The following CNTN5 variants were observed in gnomAD, a reference collection of about 807,000 sequenced individuals.
CNTN5 encodes contactin 5.
CNTN5 carries 77 observed loss-of-function variants against 129.1 expected under a neutral mutation model. The ratio of observed to expected loss-of-function variants is 0.60; its 90% confidence interval spans 0.50 to 0.72. CNTN5 has a LOEUF of 0.72. CNTN5 is among the 30% of genes least tolerant of loss of function. The pLI is 0.00. For missense variants in CNTN5, 1,478 were observed against 1,328.8 expected (o/e 1.11, Z -1.75); for synonymous variants, 509 against 465.6 (o/e 1.09, Z -1.20).
intron 6 of CNTN5, among the ~76,000 whole-genome samples, chr11:99,905,469 T>G (rs1949474713): frequency 6.6e-6 from 1 of 152,192 alleles, no homozygotes; most frequent in African/African-American, 2.4e-5. Flanking sequence ...GCATTATAAT[T>G]GAGGCCTCTG....
intron 2 of CNTN5, among the ~76,000 whole-genome samples, chr11:99,327,428 C>G (rs1865832265): frequency 1.3e-5 from 2 of 152,132 alleles, no homozygotes; most frequent in Admixed American, 1.3e-4. Context: ...GGCTCTTTGT[C>G]AATCTATTAA....
At chr11:99,386,608 C>G (rs1458762145) in intron 2 of CNTN5, among the ~76,000 whole-genome samples, 1 of 152,076 alleles carries the variant, frequency 6.6e-6, no homozygotes, top group East Asian at 1.9e-4. Context: ...GTCTTTATGA[C>G]CTGTATCTTG....
intron 2 of CNTN5, among the ~76,000 whole-genome samples, chr11:99,431,959 A>C (rs1943386758): frequency 6.6e-6 from 1 of 151,984 alleles, no homozygotes; most frequent in African/African-American, 2.4e-5. Flanking sequence ...CACAATACTC[A>C]GTCCACATGT....
intron 1 of CNTN5, among the ~76,000 whole-genome samples, chr11:99,295,958 C>T (rs1480522753): frequency 4.0e-5 from 6 of 150,066 alleles, no homozygotes; most frequent in Admixed American, 6.6e-5. Context: ...TTCTCACCTA[C>T]ATTGGGCCTT....
intron 16 of CNTN5, among the ~76,000 whole-genome samples, chr11:100,238,706 A>C (rs1233304411): frequency 6.6e-6 from 1 of 152,210 alleles, no homozygotes; most frequent in Admixed American, 6.5e-5. Context: ...GATATTCTCA[A>C]ATCTAGGAAG....
intron 16 of CNTN5, among the ~76,000 whole-genome samples, chr11:100,227,886 G>C (rs899671937): frequency 3.3e-5 from 5 of 152,038 alleles, no homozygotes; most frequent in Non-Finnish European, 4.4e-5. Context: ...TCACTGAGGA[G>C]GATATACAAA....
At chr11:99,792,013 C>T (rs560885115) in intron 3 of CNTN5, among the ~76,000 whole-genome samples, 8 of 151,974 alleles carry the variant, frequency 5.3e-5, no homozygotes, top group Admixed American at 2.0e-4. Flanking sequence ...GTCTTTAGGG[C>T]TTTATAGGTA....
At chr11:99,819,795 A>G (rs1946739193) in intron 4 of CNTN5, 30 bp downstream of exon 4, 3 of 287,484 alleles carry the variant, frequency 1.0e-5, no homozygotes, top group Non-Finnish European at 1.4e-5. Flanking sequence ...GGCTCCAGAT[A>G]GAATAAAGGA....
intron 13 of CNTN5, among the ~76,000 whole-genome samples, chr11:100,088,580 A>T (rs999079762): frequency 6.6e-6 from 1 of 152,144 alleles, no homozygotes; most frequent in Non-Finnish European, 1.5e-5. Context: ...ACAGAAATAC[A>T]TAAGATCCTC....
At chr11:99,304,304 T>C (rs563211481) in intron 1 of CNTN5, among the ~76,000 whole-genome samples, 9 of 152,306 alleles carry the variant, frequency 5.9e-5, no homozygotes, top group Admixed American at 2.6e-4. Context: ...ATTACAGAGT[T>C]ACTTCTCATC....
At chr11:99,187,578 T>C (rs532794214) in intron 1 of CNTN5, among the ~76,000 whole-genome samples, 108 of 152,032 alleles carry the variant, frequency 7.1e-4, no homozygotes, top group South Asian at 1.5e-3. Context: ...ATTCTTATGA[T>C]GAATATCTTG....
At chr11:99,124,725 T>A (rs58814920) in intron 1 of CNTN5, among the ~76,000 whole-genome samples, 9,368 of 150,752 alleles carry the variant, frequency 0.062, 316 homozygotes, top group African/African-American at 0.086. Context: ...GCTAGAGTAA[T>A]AAGGGAAAAA....
intron 13 of CNTN5, among the ~76,000 whole-genome samples, chr11:100,187,274 A>G (rs1179137832): frequency 6.6e-6 from 1 of 152,088 alleles, no homozygotes; most frequent in East Asian, 1.9e-4. Context: ...TATCAGTTCC[A>G]GGAGTCATTT....
chr11:99,435,854 AAATT>A (rs1943578547), intron 2 of CNTN5, among the ~76,000 whole-genome samples: 1 of 152,212 alleles, frequency 6.6e-6, no homozygotes, highest in South Asian at 2.1e-4. Flanking sequence ...GTAGGCCATG[AAATT>A]ATATATGAGG....
chr11:99,635,467 A>C (rs1951515681), intron 3 of CNTN5, among the ~76,000 whole-genome samples: 1 of 140,886 alleles, frequency 7.1e-6, no homozygotes, highest in Non-Finnish European at 1.6e-5. Context: ...AGATGATAAA[A>C]TTGGAAATCC....
At chr11:99,104,480 G>T (rs1223216760) in intron 1 of CNTN5, among the ~76,000 whole-genome samples, 1 of 152,088 alleles carries the variant, frequency 6.6e-6, no homozygotes, top group South Asian at 2.1e-4. Context: ...GAGATGTATT[G>T]CACAGTATGA....
At chr11:99,849,179 AAC>A (rs1390494146) in intron 6 of CNTN5, among the ~76,000 whole-genome samples, 4 of 151,662 alleles carry the variant, frequency 2.6e-5, no homozygotes, top group African/African-American at 9.7e-5. Context: ...TCCATATACT[AAC>A]AATTATTATA....
At chr11:100,007,251 G>T (rs1160578186) in intron 9 of CNTN5, among the ~76,000 whole-genome samples, 1 of 151,976 alleles carries the variant, frequency 6.6e-6, no homozygotes, top group African/African-American at 2.4e-5. Flanking sequence ...TGGTAAATGA[G>T]CATTGGCTTC....
At chr11:99,847,002 A>G (rs1947720426) in intron 6 of CNTN5, among the ~76,000 whole-genome samples, 1 of 152,192 alleles carries the variant, frequency 6.6e-6, no homozygotes, top group Admixed American at 6.5e-5. Flanking sequence ...AGCCTAATAA[A>G]CTAAATAAAT....
Sources: allele counts gnomAD v4.1 joint callset (sites outside exome capture counted in the v4.1 genomes callset), GRCh38; gene constraint gnomAD v4.1.1; transcripts MANE v1.5; gene names NCBI Gene and HGNC (gene_info 2026-07-23, HGNC 2026-07-21).